CNP: variants seen among roughly 807,000 people sequenced by gnomAD.
CNP encodes 2',3'-cyclic nucleotide 3' phosphodiesterase.
Under a neutral mutation model 37.9 loss-of-function variants are expected in CNP, and 8 were observed. The ratio of observed to expected loss-of-function variants is 0.21; its 90% CI spans 0.12 to 0.38. The LOEUF is 0.38. Ranked by LOEUF, CNP falls within the 10% of genes least tolerant of loss-of-function variation. The pLI is 1.00. For missense variants in CNP, 457 were observed against 551.0 expected, an observed-to-expected ratio of 0.83 and a Z score of 1.71; for synonymous variants, 237 against 238.3, an observed-to-expected ratio of 0.99 and a Z score of 0.05.
In CNP at chr17:41,973,741, CGAG is replaced by C; in HGVS notation, c.1088_1090del (p.Glu363del). On this transcript the variant is annotated inframe_deletion, in exon 4 of 4. Coordinates refer to ENST00000393892, the MANE Select transcript of CNP (RefSeq NM_033133.5). ...GGCAGGAGAAGGGGGGCAGCCGAGG[CGAG>C]GAGGTGGGCGAGCTAAGCCGGGGCA... The C allele has an allele frequency of 1.9e-6, 3 of 1,611,530 alleles. No homozygotes were observed. The highest frequency in any genetic ancestry group is 2.5e-6 in the Non-Finnish European group (3 of 1,178,626).
In CNP at chr17:41,973,818, A is replaced by T; in HGVS notation, c.1160A>T (p.Asn387Ile). The part of the protein sequence containing the change: ...NGRWMLTLAK[N>I]MEVRAIFTGY... Reference sequence around the variant, plus strand: ...CGCTGGATGCTGACCCTGGCCAAGAACATGGAGGTCAGGGCCATCTTCACG... The same window carrying T: ...CGCTGGATGCTGACCCTGGCCAAGATCATGGAGGTCAGGGCCATCTTCACG... The change falls in exon 4 of 4, where the codon AAC becomes ATC. Residue 387 changes from asparagine to isoleucine, a missense_variant. Physicochemically the swap from Asn to Ile is moderately radical, Grantham distance 149 (BLOSUM62 -3). Transcript: ENST00000393892. 1.2e-6 allele frequency: 2 copies of T among 1,612,258 alleles called. No homozygotes were observed. The highest frequency in any genetic ancestry group is 1.7e-6 in the Non-Finnish European group (2 of 1,179,066).
chr17:41,969,524 G>A (rs2050953656), intron 2 of CNP, among the ~76,000 whole-genome samples: 1 of 152,120 alleles, frequency 6.6e-6, no homozygotes, highest in East Asian at 1.9e-4. Flanking sequence ...CCATCTATAT[G>A]CCTTTAGGCC....
Position 41,973,576 on chromosome 17 carries a change from A to G in CNP, c.918A>G (p.Gln306=), listed in dbSNP as rs1555644166. The change falls in exon 4 of 4, where the codon CAA becomes CAG. Residue 306 remains glutamine, a synonymous_variant. Transcript: ENST00000393892. ...CCCGGGTGGAGTTAAGCGAGCAGCA[A>G]CTGCAGTTGTGGCCGAGTGATGTGG... ...TGARVELSEQ[Q]LQLWPSDVDK... The G allele has an allele frequency of 1.2e-6, 2 of 1,614,196 alleles. No individual in the cohort carries two copies. Among genetic ancestry groups the G allele is most frequent in the South Asian group, 1.1e-5 (1 of 91,080 alleles).
At position 41,977,242 on chromosome 17, in the gene CNP, G is replaced by C. The variant is rs1488696232; in HGVS notation, c.*3318G>C. ...TGGCTTGTGATCTGGGAACTCCCAA[G>C]AACAGCAGGCCCACCTACCTTCAAA... On this transcript the variant is annotated 3_prime_UTR_variant, in exon 4 of 4. Coordinates refer to ENST00000393892, the MANE Select transcript of CNP (RefSeq NM_033133.5). 3 of 1,573,578 alleles carry C rather than the reference G, an allele frequency of 1.9e-6. No homozygotes were observed. Among genetic ancestry groups the C allele is most frequent in the South Asian group, 2.3e-5 (2 of 85,346 alleles).
At position 41,973,949 on chromosome 17, in the gene CNP, C is replaced by A. The variant is rs781852887; in HGVS notation, c.*25C>A. 1.1e-4 allele frequency: 162 copies of A among 1,450,410 alleles called. No homozygotes were observed. The Middle Eastern group carries it at 2.7e-3, about 24-fold the overall frequency. 89.8% of individuals were successfully genotyped at this position (1,450,410 alleles called of 1,614,324 possible). On this transcript the variant is annotated 3_prime_UTR_variant, in exon 4 of 4. Coordinates refer to ENST00000393892, the MANE Select transcript of CNP (RefSeq NM_033133.5). ...AGTGTTCTCACCACCACTTATGCCC[C>A]TAGAAGGGAAGGGGAGAGGGAAACG... is the stretch of plus-strand genomic sequence containing the variant.
rs181009113 is a variant in CNP, at chr17:41,974,269, C to G, written c.*345C>G. ...GCCCCAGCCCAGCCCAGCTGCTCTG[C>G]CCAGAGCTGGGTGAGTGGGGAGACA... On this transcript the variant is annotated 3_prime_UTR_variant, in exon 4 of 4. Transcript: ENST00000393892. 2.4e-3 allele frequency: 430 copies of G among 179,432 alleles called. 1 individual carries two copies. The highest frequency in any genetic ancestry group is 9.5e-3 in the African/African-American group (404 of 42,562). The allele number at this position is 179,432 out of a possible 1,614,324, so 11.1% of individuals were successfully genotyped here. A position where few individuals can be genotyped will look rare whatever the true frequency, so the allele number is the denominator to read the frequency against.
intron 2 of CNP, chr17:41,971,386 G>C (rs2050986094): frequency 6.5e-6 from 1 of 153,988 alleles, no homozygotes; most frequent in Non-Finnish European, 1.4e-5. Context: ...TGTAAAGCCA[G>C]AGAATTTTAA....
Position 41,971,686 on chromosome 17 carries a change from C to A in CNP, c.677-206C>A, listed in dbSNP as rs1461128637. 1.5e-5 allele frequency: 8 copies of A among 536,784 alleles called. No individual in the cohort carries two copies. The East Asian group carries it at 2.8e-4, about 19-fold the overall frequency. 33.3% of individuals were successfully genotyped at this position (536,784 alleles called of 1,614,324 possible). On this transcript the variant is annotated intron_variant, in intron 2 of 3. Coordinates refer to ENST00000393892, the MANE Select transcript of CNP (RefSeq NM_033133.5). ...GTGCTGGGATTACAGGTGTGAACCA[C>A]CGCACCTGGCCTGAGAATTTTAACT...
rs986345288 is a variant in CNP at position 41,974,582 on chromosome 17, G to A, written c.*658G>A. On this transcript the variant is annotated 3_prime_UTR_variant, in exon 4 of 4. Transcript: ENST00000393892. ...TCAGTGTAGCCCCAAGAAGGCTGGGGCTATTTACCAGGGTAGAAAAAGGAG... is the reference window on the plus strand; with the variant it reads ...TCAGTGTAGCCCCAAGAAGGCTGGGACTATTTACCAGGGTAGAAAAAGGAG... 2.6e-5 allele frequency: 4 copies of A among 152,316 alleles called. No homozygotes were observed. The highest frequency in any genetic ancestry group is 9.7e-5 in the African/African-American group (4 of 41,450). 9.4% of individuals were successfully genotyped at this position (152,316 alleles called of 1,614,324 possible).
In CNP at chr17:41,973,828, C is replaced by T; in HGVS notation, c.1170C>T (p.Val390=). ...TGACCCTGGCCAAGAACATGGAGGT[C>T]AGGGCCATCTTCACGGGGTACTACG... The part of the protein sequence containing the change: ...WMLTLAKNME[V]RAIFTGYYGK... Residue 390 remains valine (V), a synonymous_variant, in exon 4 of 4, where the codon GTC becomes GTT. Coordinates refer to ENST00000393892, the MANE Select transcript of CNP (RefSeq NM_033133.5). The T allele has an allele frequency of 1.2e-6, 2 of 1,611,286 alleles. No homozygotes were observed. Among genetic ancestry groups the T allele is most frequent in the Non-Finnish European group, 1.7e-6 (2 of 1,178,576 alleles).
intron 2 of CNP, chr17:41,971,555 G>A (rs913464111): frequency 7.9e-5 from 15 of 190,102 alleles, no homozygotes; most frequent in Non-Finnish European, 1.3e-4. Context: ...CCGCCACCAC[G>A]CCTGGCTAAT....
In CNP at chr17:41,974,136, G is replaced by A; in HGVS notation, c.*212G>A. ...TCACGCTCCCAACACAAGGTGGGCAGGGAGGCACCATTCAGGAACCTGGAC... is the reference window on the plus strand; with the variant it reads ...TCACGCTCCCAACACAAGGTGGGCAAGGAGGCACCATTCAGGAACCTGGAC... On this transcript the variant is annotated 3_prime_UTR_variant, in exon 4 of 4. Coordinates refer to ENST00000393892, the MANE Select transcript of CNP (RefSeq NM_033133.5). 1 of 417,490 alleles carries A rather than the reference G, an allele frequency of 2.4e-6. No individual in the cohort carries two copies. The allele number at this position is 417,490 out of a possible 1,614,324, so 25.9% of individuals were successfully genotyped here.
chr17:41,976,699 C>G lies in CNP; in HGVS notation c.*2775C>G, dbSNP rs2143067318. The G allele has an allele frequency of 1.2e-6, 2 of 1,606,454 alleles. No homozygotes were observed. The highest frequency in any genetic ancestry group is 4.5e-5 in the East Asian group (2 of 44,832). ...ACATTCAAGATTAAACTGAGTGAATCTGCATTTTCTGGGTTCTGGGTGGTT... is the reference window on the plus strand; with the variant it reads ...ACATTCAAGATTAAACTGAGTGAATGTGCATTTTCTGGGTTCTGGGTGGTT... On this transcript the variant is annotated 3_prime_UTR_variant, in exon 4 of 4. Coordinates refer to ENST00000393892, the MANE Select transcript of CNP (RefSeq NM_033133.5).
rs1555643290 is a variant in CNP at position 41,968,573 on chromosome 17, C to T, written c.509C>T (p.Ser170Leu). The change falls in exon 2 of 4, where the codon TCG becomes TTG. Residue 170 changes from serine to leucine, a missense_variant. Ser to Leu is a moderately radical substitution (Grantham distance 145). This residue lies in a region of CNP where 166 missense variants were observed against 259.3 expected (regional missense o/e 0.64). Coordinates refer to ENST00000393892, the MANE Select transcript of CNP (RefSeq NM_033133.5). This position sits in a 1 kb window ranked among gnomAD's most constrained non-coding sequence, Gnocchi z 4.8. ...QLKEKNQWQLSADDLKKLKPG... is the reference protein window; with the variant it reads ...QLKEKNQWQLLADDLKKLKPG... ...AAGGAGAAGAACCAGTGGCAGCTGT[C>T]GGCTGATGACCTGAAGAAGCTGAAG... is the stretch of plus-strand genomic sequence containing the variant. 1.2e-6 allele frequency: 2 copies of T among 1,613,998 alleles called. No individual in the cohort carries two copies. The highest frequency in any genetic ancestry group is 1.7e-6 in the Non-Finnish European group (2 of 1,180,020).
Position 41,973,986 on chromosome 17 carries a change from T to C in CNP, c.*62T>C. ...GGGAGAGGGAAACGTGCCCTCTGTT[T>C]GATCCTTGTTTTGTGACATTTTTTT... On this transcript the variant is annotated 3_prime_UTR_variant, in exon 4 of 4. Coordinates refer to ENST00000393892, the MANE Select transcript of CNP (RefSeq NM_033133.5). 1 of 1,322,186 alleles carries C rather than the reference T, an allele frequency of 7.6e-7. No individual in the cohort carries two copies. Among genetic ancestry groups the C allele is most frequent in the Non-Finnish European group, 9.8e-7 (1 of 1,016,554 alleles). The allele number at this position is 1,322,186 out of a possible 1,614,324, so 81.9% of individuals were successfully genotyped here. A position where few individuals can be genotyped will look rare whatever the true frequency, so the allele number is the denominator to read the frequency against.
intron 1 of CNP, chr17:41,967,679 C>A: frequency 9.6e-7 from 1 of 1,039,038 alleles, no homozygotes; most frequent in Admixed American, 4.9e-5. Context: ...TCCCCCCCTT[C>A]TCTGTGCACT....
chr17:41,967,148 T>TGGGTGGGCCTGGGCCGGGAGCCC, intron 1 of CNP: 1 of 348,566 alleles, frequency 2.9e-6, no homozygotes, highest in Non-Finnish European at 5.1e-6. Context: ...TCTGGGAGCC[T>TGGGTGGGCCTGGGCCGGGAGCCC]GGGTGGGCCT....
At chr17:41,973,064 C>T (rs373237980) in intron 3 of CNP, among the ~76,000 whole-genome samples, 36 of 152,282 alleles carry the variant, frequency 2.4e-4, no homozygotes, top group African/African-American at 7.7e-4. Context: ...CTGTTGTGTG[C>T]GCGGACACCC....
At chr17:41,972,718 A>T (rs1422068505) in intron 3 of CNP, among the ~76,000 whole-genome samples, 1 of 151,884 alleles carries the variant, frequency 6.6e-6, no homozygotes, top group Non-Finnish European at 1.5e-5. Flanking sequence ...AGTTTCGTTG[A>T]CTCCTGTGGT....
Sources: gnomAD v4.1 joint callset for allele counts (sites outside exome capture counted in the v4.1 genomes callset) on GRCh38, gnomAD v4.1.1 for gene constraint, gnomAD v4.1.1 regional missense constraint, Gnocchi (gnomAD v3.1) non-coding constraint, MANE v1.5 for transcripts, NCBI Gene and HGNC (gene_info 2026-07-23, HGNC 2026-07-21) for gene names.